The following AP3B2 variants were observed in gnomAD, a reference collection of about 807,000 sequenced individuals.
AP3B2 encodes the protein AP-3 complex subunit beta-2.
Under a neutral mutation model 126.9 loss-of-function variants are expected in AP3B2, and 50 were observed. That is an observed-to-expected ratio of 0.39 (90% confidence interval 0.31 to 0.50). The LOEUF (loss-of-function observed/expected upper bound fraction) is 0.50, where lower values mean the gene tolerates loss of function less well. AP3B2 is among the 20% of genes least tolerant of loss of function. AP3B2 has a pLI of 0.79. For synonymous variants in AP3B2, 541 were observed against 565.0 expected, an observed-to-expected ratio of 0.96 and a Z score of 0.60; for missense variants, 1,177 against 1,426.4, an observed-to-expected ratio of 0.83 and a Z score of 2.82.
At chr15:82,670,178 T>C (rs1251725162) in intron 14 of AP3B2, among the ~76,000 whole-genome samples, 36 of 142,314 alleles carry the variant, frequency 2.5e-4, no homozygotes, top group African/African-American at 9.2e-4. Flanking sequence ...GGCGCGATCT[T>C]GGCTCACTGC....
chr15:82,683,064 T>TG (rs1567267436), intron 4 of AP3B2, among the ~76,000 whole-genome samples: 2 of 138,634 alleles, frequency 1.4e-5, no homozygotes, highest in African/African-American at 5.4e-5. Flanking sequence ...TTTTTTTTTT[T>TG]TTTTTTTTTT....
chr15:82,690,642 C>CTTCT (rs2048512147), intron 1 of AP3B2, among the ~76,000 whole-genome samples: 6 of 68,928 alleles, frequency 8.7e-5, no homozygotes, highest in African/African-American at 4.0e-4. Flanking sequence ...TTTTCTTCTT[C>CTTCT]TTTTTTTTTT....
At position 82,680,573 on chromosome 15, in the gene AP3B2, G is replaced by A. The variant is rs759070906; in HGVS notation, c.954C>T (p.Ala318=). 2 of 1,585,520 alleles carry A rather than the reference G, an allele frequency of 1.3e-6. No homozygotes were observed. Among genetic ancestry groups the A allele is most frequent in the Admixed American group, 1.7e-5 (1 of 57,932 alleles). The part of the protein sequence containing the change: ...NTKPLLQSRS[A]AVVMAVAQLY... ...GCTGCGCCACCGCCATCACCACCGC[G>A]GCGCTGCGGCTCTGCAGCAGGGGTT... The change falls in exon 8 of 27, where the codon GCC becomes GCT. Residue 318 remains alanine (A), a synonymous_variant. Transcript: ENST00000535359. The surrounding 1 kb of genome is among the most constrained non-coding windows in gnomAD (Gnocchi z 6.1).
chr15:82,681,166 G>A lies in AP3B2; in HGVS notation c.534C>T (p.Asp178=). The A allele has an allele frequency of 6.2e-7, 1 of 1,612,016 alleles. No individual in the cohort carries two copies. The highest frequency in any genetic ancestry group is 8.5e-7 in the Non-Finnish European group (1 of 1,179,094). Residue 178 remains aspartate (D), a synonymous_variant, in exon 6 of 27, where the codon GAC becomes GAT. Coordinates refer to ENST00000535359, the MANE Select transcript of AP3B2 (RefSeq NM_001278512.2). This position sits in a 1 kb window ranked among gnomAD's most constrained non-coding sequence, Gnocchi z 4.0. ...TGACTTCTATCAGCTGATCCTTCTG[G>A]TCAGAGTCCAAACTGAGGGAGAAAT... ...AIPKLYSLDS[D]QKDQLIEVIE... is the part of the protein sequence containing the mutation.
Position 82,659,489 on chromosome 15 carries a change from G to T in AP3B2, c.*71C>A. The T allele has an allele frequency of 6.4e-7, 1 of 1,564,178 alleles. No homozygotes were observed. The highest frequency in any genetic ancestry group is 8.7e-7 in the Non-Finnish European group (1 of 1,144,952). On this transcript the variant is annotated 3_prime_UTR_variant, in exon 27 of 27. Transcript: ENST00000535359. ...GATGATGAGAGAGAGAGAGAAAGAT[G>T]AGAGAGACTGACAGCCTAGGTGTCA...
intron 13 of AP3B2, 82 bp from the exon 14 acceptor site, chr15:82,676,719 C>CAGATGAGGAGTGCTGTT: frequency 1.4e-6 from 2 of 1,419,374 alleles, no homozygotes; most frequent in Non-Finnish European, 1.9e-6. Context: ...GGAAACAGCA[C>CAGATGAGGAGTGCTGTT]TCCTCATCTG....
chr15:82,709,551 C>A (rs1342845837), intron 1 of AP3B2, 43 bp downstream of exon 1: 2 of 1,402,662 alleles, frequency 1.4e-6, no homozygotes, highest in African/African-American at 1.5e-5. Flanking sequence ...CGCCCGGTCC[C>A]CGGCCCCAAC....
At chr15:82,688,211 C>T (rs1431463175) in intron 4 of AP3B2, 2 of 532,144 alleles carry the variant, frequency 3.8e-6, no homozygotes, top group Non-Finnish European at 6.7e-6. Context: ...GCTGTCTTTA[C>T]CCTCAAGATG....
chr15:82,679,887 C>T, intron 9 of AP3B2, 87 bp from the exon 10 acceptor site: 2 of 1,258,978 alleles, frequency 1.6e-6, no homozygotes, highest in East Asian at 2.4e-5. Flanking sequence ...CCTGACCCAG[C>T]GCCCAGGATC....
At chr15:82,685,894 T>A (rs1184814718) in intron 4 of AP3B2, 1 of 150,644 alleles carries the variant, frequency 6.6e-6, no homozygotes, top group Non-Finnish European at 1.5e-5. Flanking sequence ...ATGAAAGGTG[T>A]TATTTATTTA....
chr15:82,684,335 A>AT (rs2048391278), intron 4 of AP3B2, among the ~76,000 whole-genome samples: 1 of 152,106 alleles, frequency 6.6e-6, no homozygotes, highest in Admixed American at 6.5e-5. Flanking sequence ...TTCACCTTGC[A>AT]TTTTTTTGTT....
intron 23 of AP3B2, 142 bp from the exon 24 acceptor site, chr15:82,662,394 G>T: frequency 1.4e-6 from 1 of 723,042 alleles, no homozygotes; most frequent in Non-Finnish European, 2.3e-6. Context: ...GGCTGCTGGA[G>T]ACTGTTCCCG....
At chr15:82,682,316 G>A (rs1348019053) in intron 4 of AP3B2, among the ~76,000 whole-genome samples, 1 of 152,030 alleles carries the variant, frequency 6.6e-6, no homozygotes, top group East Asian at 1.9e-4. Context: ...GCCTCCCAAA[G>A]TACTGGGATT....
chr15:82,676,687 G>A (rs1233924557), intron 13 of AP3B2, 50 bp from the exon 14 acceptor site: 9 of 1,587,048 alleles, frequency 5.7e-6, no homozygotes, highest in Non-Finnish European at 7.7e-6. Flanking sequence ...GAAAGTGGGT[G>A]GGTAGGATTG....
At chr15:82,684,247 G>A (rs1013255768) in intron 4 of AP3B2, among the ~76,000 whole-genome samples, 11 of 152,204 alleles carry the variant, frequency 7.2e-5, no homozygotes, top group African/African-American at 2.7e-4. Context: ...ATCTCTTGTT[G>A]AACATAGTCA....
At chr15:82,685,818 G>C (rs971634549) in intron 4 of AP3B2, 1 of 152,116 alleles carries the variant, frequency 6.6e-6, no homozygotes, top group African/African-American at 2.4e-5. Context: ...TCACCTAATA[G>C]CCAAGCATTT....
rs2048338976 is a variant in AP3B2, at chr15:82,681,503, CATGATGGGCACT to C, written c.426_437del (p.Ile142_Ile145del). The C allele has an allele frequency of 1.2e-6, 2 of 1,613,910 alleles. No homozygotes were observed. Among genetic ancestry groups the C allele is most frequent in the East Asian group, 2.2e-5 (1 of 44,876 alleles). On this transcript the variant is annotated inframe_deletion, in exon 5 of 27. Transcript: ENST00000535359. This position sits in a 1 kb window ranked among gnomAD's most constrained non-coding sequence, Gnocchi z 4.0. ...AGGCGGCTTCCTTGATAGCTAGCAT[CATGATGGGCACT>C]ATGATGGGCACACGGATGCTAGAGA...
At position 82,664,505 on chromosome 15, in the gene AP3B2, T is replaced by C. The variant is rs775394291; in HGVS notation, c.2138-15A>G. The C allele has an allele frequency of 1.9e-6, 3 of 1,609,344 alleles. No individual in the cohort carries two copies. Among genetic ancestry groups the C allele is most frequent in the Non-Finnish European group, 2.5e-6 (3 of 1,177,860 alleles). ...AGACTCAGGGTCTGTGGAGGAACAA[T>C]ATGAGGCCTCCTCCCTCATATGCAG... is the stretch of plus-strand genomic sequence containing the variant. On this transcript the variant is annotated splice_polypyrimidine_tract_variant and intron_variant, in intron 18 of 26. Coordinates refer to ENST00000535359, the MANE Select transcript of AP3B2 (RefSeq NM_001278512.2). This position sits in a 1 kb window ranked among gnomAD's most constrained non-coding sequence, Gnocchi z 4.5.
Position 82,664,479 on chromosome 15 carries a change from C to G in AP3B2, c.2149G>C (p.Glu717Gln), listed in dbSNP as rs2048016727. The part of the protein sequence containing the change: ...TESADSDPES[E>Q]SESDSKSSSE... ...CTGCTCTTACTGTCCGATTCACTCT[C>G]AGACTCAGGGTCTGTGGAGGAACAA... Residue 717 changes from glutamate to glutamine, a missense_variant, in exon 19 of 27, where the codon GAG (glutamate) becomes CAG (glutamine). By Grantham distance (29) the Glu-to-Gln change is conservative. Around this residue, in one of 5 missense-constraint regions of AP3B2, gnomAD observed 587 missense variants for 571.3 expected, o/e 1.03. Coordinates refer to ENST00000535359, the MANE Select transcript of AP3B2 (RefSeq NM_001278512.2). The surrounding 1 kb of genome is among the most constrained non-coding windows in gnomAD (Gnocchi z 4.5). 1 of 1,613,534 alleles carries G rather than the reference C, an allele frequency of 6.2e-7. No homozygotes were observed. Among genetic ancestry groups the G allele is most frequent in the African/African-American group, 1.3e-5 (1 of 75,044 alleles).
Sources: gnomAD v4.1 joint callset for allele counts (sites outside exome capture counted in the v4.1 genomes callset) on GRCh38, gnomAD v4.1.1 for gene constraint, gnomAD v4.1.1 regional missense constraint, Gnocchi (gnomAD v3.1) non-coding constraint, MANE v1.5 for transcripts, NCBI Gene and HGNC (gene_info 2026-07-23, HGNC 2026-07-21) for gene names.